Variants in DCDC1 observed in about 807,000 individuals in gnomAD.
DCDC1 encodes doublecortin domain containing 1, also known as doublecortin domain-containing protein 1.
In DCDC1, 200 loss-of-function variants were observed where a neutral mutation model predicts 178.3. The observed-to-expected ratio is 1.12, with a 90% CI of 1.00 to 1.26. DCDC1 has a LOEUF of 1.26. DCDC1 is among the 50% of genes most tolerant of loss of function. DCDC1 has a pLI of 0.00. For synonymous variants in DCDC1, 690 were observed against 604.8 expected, an observed-to-expected ratio of 1.14 and a Z score of -2.07; for missense variants, 1,983 against 1,749.2, an observed-to-expected ratio of 1.13 and a Z score of -2.38.
At chr11:31,299,792 T>C (rs1034899940) in intron 6 of DCDC1, among the ~76,000 whole-genome samples, 1 of 152,174 alleles carries the variant, frequency 6.6e-6, no homozygotes, top group African/African-American at 2.4e-5. Flanking sequence ...GTAACTATCA[T>C]ATGCCAGGTT....
intron 9 of DCDC1, among the ~76,000 whole-genome samples, chr11:31,208,471 C>T (rs1448504496): frequency 6.6e-6 from 1 of 152,180 alleles, no homozygotes; most frequent in Non-Finnish European, 1.5e-5. Context: ...TAAAATTCAA[C>T]AGCCTCCACT....
chr11:31,135,104 A>C (rs1338522240), intron 10 of DCDC1, among the ~76,000 whole-genome samples: 2 of 152,218 alleles, frequency 1.3e-5, no homozygotes, highest in Non-Finnish European at 2.9e-5. Context: ...TTCATGTGGA[A>C]AATTATGTGA....
chr11:31,042,280 G>T (rs1954510500), intron 20 of DCDC1, among the ~76,000 whole-genome samples: 1 of 152,128 alleles, frequency 6.6e-6, no homozygotes, highest in Non-Finnish European at 1.5e-5. Context: ...TTCAAAACTT[G>T]TTTATGTAAC....
intron 3 of DCDC1, 55 bp downstream of exon 3, chr11:31,328,062 A>T (rs1305364831): frequency 6.7e-7 from 1 of 1,491,556 alleles, no homozygotes; most frequent in Non-Finnish European, 9.0e-7. Flanking sequence ...TACTTTCTAT[A>T]AACACTTTTA....
intron 20 of DCDC1, among the ~76,000 whole-genome samples, chr11:31,018,671 G>T (rs1487072842): frequency 6.6e-6 from 1 of 152,194 alleles, no homozygotes; most frequent in East Asian, 1.9e-4. Flanking sequence ...TTGTTAAGGA[G>T]ACCATGAGAA....
intron 9 of DCDC1, among the ~76,000 whole-genome samples, chr11:31,173,960 G>C (rs1967624479): frequency 6.6e-6 from 1 of 152,146 alleles, no homozygotes; most frequent in Non-Finnish European, 1.5e-5. Context: ...GGGGAGGTTT[G>C]GCTGGGGTTG....
chr11:31,055,492 C>T (rs952258747), intron 20 of DCDC1, among the ~76,000 whole-genome samples: 2 of 152,136 alleles, frequency 1.3e-5, no homozygotes, highest in African/African-American at 4.8e-5. Flanking sequence ...CCAGCAATCG[C>T]ACTACTGGGT....
chr11:30,904,679 G>T (rs1021054298), intron 31 of DCDC1: 2 of 417,558 alleles, frequency 4.8e-6, no homozygotes, highest in Admixed American at 7.6e-5. Context: ...TCACAAGAAG[G>T]AAGAAAATCC....
chr11:31,132,927 C>T (rs1962633249), intron 10 of DCDC1, among the ~76,000 whole-genome samples: 1 of 152,086 alleles, frequency 6.6e-6, no homozygotes, highest in Non-Finnish European at 1.5e-5. Flanking sequence ...TGAAAGAATA[C>T]AAATGTGCAC....
chr11:31,237,356 A>C (rs1469421514), intron 9 of DCDC1, among the ~76,000 whole-genome samples: 1 of 151,924 alleles, frequency 6.6e-6, no homozygotes, highest in Non-Finnish European at 1.5e-5. Context: ...ATAAATCTGC[A>C]ATATTGTTAC....
intron 20 of DCDC1, among the ~76,000 whole-genome samples, chr11:30,979,753 G>T (rs981741150): frequency 1.1e-4 from 16 of 152,164 alleles, no homozygotes; most frequent in African/African-American, 3.9e-4. Flanking sequence ...CCCAGAAAGT[G>T]ACCTAGTTTG....
At chr11:31,065,570 A>C (rs1956199250) in intron 18 of DCDC1, among the ~76,000 whole-genome samples, 1 of 152,204 alleles carries the variant, frequency 6.6e-6, no homozygotes, top group South Asian at 2.1e-4. Flanking sequence ...TGAATGAATG[A>C]AAGAGCTGCA....
At chr11:31,159,838 C>A (rs962181462) in intron 9 of DCDC1, among the ~76,000 whole-genome samples, 1 of 152,180 alleles carries the variant, frequency 6.6e-6, no homozygotes, top group African/African-American at 2.4e-5. Flanking sequence ...TGTAAGAAGT[C>A]TGTGTCCTTG....
intron 8 of DCDC1, among the ~76,000 whole-genome samples, chr11:31,259,224 G>A (rs1405977202): frequency 1.3e-5 from 2 of 151,974 alleles, no homozygotes; most frequent in East Asian, 3.9e-4. Flanking sequence ...ATGGTGGCAG[G>A]TGCCTGTAAT....
intron 20 of DCDC1, among the ~76,000 whole-genome samples, chr11:30,964,862 A>ATCCTTTCT (rs1385241699): frequency 3.9e-5 from 6 of 152,162 alleles, no homozygotes; most frequent in African/African-American, 1.4e-4. Context: ...AAGAATGTTC[A>ATCCTTTCT]TCCTTTCTTC....
At chr11:31,341,426 G>GATAGATACATAGATAC (rs1555184036) in intron 1 of DCDC1, among the ~76,000 whole-genome samples, 4 of 151,222 alleles carry the variant, frequency 2.6e-5, no homozygotes, top group Non-Finnish European at 5.9e-5. Flanking sequence ...TAGATAGATA[G>GATAGATACATAGATAC]ATAGATAGAT....
intron 11 of DCDC1, among the ~76,000 whole-genome samples, chr11:31,119,216 C>A (rs1045932694): frequency 6.6e-6 from 1 of 152,130 alleles, no homozygotes; most frequent in Non-Finnish European, 1.5e-5. Context: ...TTCCTACTAT[C>A]GTAAAACCTA....
At chr11:30,899,673 C>G in intron 33 of DCDC1, 31 bp from the exon 34 acceptor site, 1 of 1,427,828 alleles carries the variant, frequency 7.0e-7, no homozygotes, top group Non-Finnish European at 9.3e-7. Context: ...GATATTTTAT[C>G]AACAGTAATT....
chr11:31,326,621 G>A (rs1168898473), intron 3 of DCDC1, among the ~76,000 whole-genome samples: 2 of 152,064 alleles, frequency 1.3e-5, no homozygotes, highest in Non-Finnish European at 2.9e-5. Flanking sequence ...TTTAAAAGCT[G>A]CACTGTATAA....
Sources: allele counts gnomAD v4.1 joint callset (sites outside exome capture counted in the v4.1 genomes callset), GRCh38; gene constraint gnomAD v4.1.1; transcripts MANE v1.5; gene names NCBI Gene and HGNC (gene_info 2026-07-23, HGNC 2026-07-21).